Variants in KCNC2 observed in about 807,000 individuals in gnomAD.
KCNC2 encodes the protein potassium voltage-gated channel subfamily C member 2, also known as voltage-gated potassium channel KCNC2.
A neutral mutation model predicts 44.5 loss-of-function variants in KCNC2; 21 were observed. The ratio of observed to expected loss-of-function variants is 0.47; its 90% CI spans 0.33 to 0.68. KCNC2 has a LOEUF of 0.68. KCNC2 is among the 30% of genes least tolerant of loss of function. The pLI is 0.01. For synonymous variants in KCNC2, 391 were observed against 339.1 expected (o/e 1.15, Z -1.68); for missense variants, 589 against 826.2 (o/e 0.71, Z 3.52).
At chr12:75,120,352 G>C (rs1343449119) in intron 2 of KCNC2, among the ~76,000 whole-genome samples, 1 of 152,136 alleles carries the variant, frequency 6.6e-6, no homozygotes, top group East Asian at 1.9e-4. Context: ...CCCTGGCCTT[G>C]AACCAGGAGT....
At chr12:75,131,499 TA>T (rs1416362747) in intron 2 of KCNC2, among the ~76,000 whole-genome samples, 3 of 152,104 alleles carry the variant, frequency 2.0e-5, no homozygotes, top group Non-Finnish European at 4.4e-5. Flanking sequence ...TAATTAAGGT[TA>T]TGGACATTAA....
At chr12:75,066,832 A>C (rs1882877174) in intron 2 of KCNC2, among the ~76,000 whole-genome samples, 1 of 152,226 alleles carries the variant, frequency 6.6e-6, no homozygotes, top group Admixed American at 6.5e-5. Context: ...TTTATAACAA[A>C]TTAGTAGAAA....
At chr12:75,092,598 C>CATCT (rs1463446655) in intron 2 of KCNC2, among the ~76,000 whole-genome samples, 1 of 151,540 alleles carries the variant, frequency 6.6e-6, no homozygotes, top group Non-Finnish European at 1.5e-5. Flanking sequence ...TAGACAAAGA[C>CATCT]ATCTATTCCT....
chr12:75,189,993 A>AAGG (rs2030039499), intron 2 of KCNC2, among the ~76,000 whole-genome samples: 1 of 152,224 alleles, frequency 6.6e-6, no homozygotes, highest in African/African-American at 2.4e-5. Flanking sequence ...AAGATTTTGA[A>AAGG]CATTAGCCTA....
intron 2 of KCNC2, among the ~76,000 whole-genome samples, chr12:75,057,725 C>T (rs1008075557): frequency 7.9e-5 from 12 of 151,546 alleles, no homozygotes; most frequent in African/African-American, 2.9e-4. Context: ...ACAGATTATA[C>T]ATAAACATGT....
chr12:75,125,679 AT>A (rs1236855702), intron 2 of KCNC2, among the ~76,000 whole-genome samples: 16 of 152,310 alleles, frequency 1.1e-4, no homozygotes, highest in African/African-American at 3.8e-4. Context: ...CACTATTAGA[AT>A]TTGTAGGGTC....
intron 2 of KCNC2, among the ~76,000 whole-genome samples, chr12:75,202,893 C>A (rs190923125): frequency 6.7e-6 from 1 of 149,316 alleles, no homozygotes; most frequent in Non-Finnish European, 1.5e-5. Flanking sequence ...CTTTAGGAAA[C>A]GTTTTATTAC....
At chr12:75,141,755 G>A (rs1592956233) in intron 2 of KCNC2, among the ~76,000 whole-genome samples, 1 of 152,232 alleles carries the variant, frequency 6.6e-6, no homozygotes, top group East Asian at 1.9e-4. Flanking sequence ...TGGGTTGAGA[G>A]AAGAACAATA....
rs117448396 is a variant in KCNC2 at position 75,141,083 on chromosome 12, C to T, written c.687+66214G>A. 5.7e-4 allele frequency among the ~76,000 whole-genome samples: 87 copies of T among 152,280 alleles called. No individual in the cohort carries two copies. The East Asian group carries it at 0.013, about 23-fold the overall frequency. On this transcript the variant is annotated intron_variant, in intron 2 of 4. Coordinates refer to ENST00000549446, the MANE Select transcript of KCNC2 (RefSeq NM_139137.4). ...AAACTGAATGAAAACTGGTTACTCT[C>T]TTCACACAATTGCATAACCCACCAT...
chr12:75,180,119 G>A (rs1285948364), intron 2 of KCNC2, among the ~76,000 whole-genome samples: 1 of 151,878 alleles, frequency 6.6e-6, no homozygotes, highest in Non-Finnish European at 1.5e-5. Context: ...ATTTCAAAGT[G>A]TTAAATGCTC....
At chr12:75,049,503 G>A (rs1565808221) in intron 3 of KCNC2, among the ~76,000 whole-genome samples, 1 of 152,060 alleles carries the variant, frequency 6.6e-6, no homozygotes, top group Non-Finnish European at 1.5e-5. Context: ...GACAAGAGGT[G>A]ACATCACTAT....
chr12:75,189,508 C>G (rs150739237), intron 2 of KCNC2, among the ~76,000 whole-genome samples: 1 of 152,186 alleles, frequency 6.6e-6, no homozygotes. Context: ...AAAAAGCAGT[C>G]AATCCACCAG....
At chr12:75,195,538 C>G (rs1386268232) in intron 2 of KCNC2, among the ~76,000 whole-genome samples, 1 of 152,090 alleles carries the variant, frequency 6.6e-6, no homozygotes, top group Non-Finnish European at 1.5e-5. Context: ...CTTGACTTTT[C>G]TTGTTGCCTC....
intron 2 of KCNC2, among the ~76,000 whole-genome samples, chr12:75,160,875 A>G (rs1482909720): frequency 6.6e-6 from 1 of 151,842 alleles, no homozygotes; most frequent in Non-Finnish European, 1.5e-5. Context: ...TTAAAACATA[A>G]TTCTCAAGCA....
intron 3 of KCNC2, among the ~76,000 whole-genome samples, chr12:75,049,620 T>A (rs1391450372): frequency 6.6e-6 from 1 of 152,042 alleles, no homozygotes; most frequent in Non-Finnish European, 1.5e-5. Flanking sequence ...TCATTCAAAA[T>A]TCAGTTCTGA....
At chr12:75,134,924 T>G (rs1889120246) in intron 2 of KCNC2, among the ~76,000 whole-genome samples, 1 of 151,978 alleles carries the variant, frequency 6.6e-6, no homozygotes, top group African/African-American at 2.4e-5. Flanking sequence ...TCTCCATAGC[T>G]AGTCTGATTA....
intron 2 of KCNC2, among the ~76,000 whole-genome samples, chr12:75,165,572 C>T (rs775984556): frequency 2.6e-5 from 4 of 151,362 alleles, no homozygotes; most frequent in Admixed American, 1.3e-4. Context: ...AGCAAATTCA[C>T]ATGTACATAT....
intron 1 of KCNC2, among the ~76,000 whole-genome samples, chr12:75,208,825 T>G (rs1165722490): frequency 6.6e-6 from 1 of 152,168 alleles, no homozygotes; most frequent in African/African-American, 2.4e-5. Flanking sequence ...TTATTATTAT[T>G]ATTGTTGTTG....
At chr12:75,145,346 T>C (rs1889944922) in intron 2 of KCNC2, among the ~76,000 whole-genome samples, 1 of 152,154 alleles carries the variant, frequency 6.6e-6, no homozygotes, top group Non-Finnish European at 1.5e-5. Context: ...GGCCAAATGA[T>C]TTCTAACACT....
Sources: allele counts gnomAD v4.1 joint callset (sites outside exome capture counted in the v4.1 genomes callset), GRCh38; gene constraint gnomAD v4.1.1; transcripts MANE v1.5; gene names NCBI Gene and HGNC (gene_info 2026-07-23, HGNC 2026-07-21).